The following ABCC4 variants were observed in gnomAD, a reference collection of about 807,000 sequenced individuals.
ABCC4 encodes ATP-binding cassette sub-family C member 4.
Under a neutral mutation model 168.5 loss-of-function variants are expected in ABCC4, and 102 were observed. The ratio of observed to expected loss-of-function variants is 0.61; its 90% CI spans 0.52 to 0.71. The LOEUF (loss-of-function observed/expected upper bound fraction) is 0.71. Ranked by LOEUF, ABCC4 falls within the 30% of genes least tolerant of loss-of-function variation. The pLI is 0.00. For synonymous variants in ABCC4, 617 were observed against 590.7 expected (o/e 1.04, Z -0.65); for missense variants, 1,402 against 1,605.8 (o/e 0.87, Z 2.17).
At chr13:95,055,145 C>T (rs1169626836) in intron 26 of ABCC4, among the ~76,000 whole-genome samples, 1 of 152,174 alleles carries the variant, frequency 6.6e-6, no homozygotes, top group African/African-American at 2.4e-5. Context: ...AAGTACCCAA[C>T]TGAAGACCAA....
At chr13:95,214,707 G>A (rs576102276) in intron 4 of ABCC4, among the ~76,000 whole-genome samples, 1 of 151,756 alleles carries the variant, frequency 6.6e-6, no homozygotes, top group South Asian at 2.1e-4. Context: ...CCAACATGGT[G>A]AGACCCCGCC....
intron 19 of ABCC4, among the ~76,000 whole-genome samples, chr13:95,132,268 T>A (rs907338549): frequency 2.0e-5 from 3 of 152,116 alleles, no homozygotes; most frequent in Admixed American, 6.6e-5. Flanking sequence ...AAGACTGGAG[T>A]GTAGTGGCGT....
chr13:95,058,567 C>CAAAAAAAAAAAAAAAAAAAAAA (rs1165324016), intron 26 of ABCC4, among the ~76,000 whole-genome samples: 11 of 62,782 alleles, frequency 1.8e-4, no homozygotes, highest in East Asian at 1.5e-3. Flanking sequence ...GACTCCATCT[C>CAAAAAAAAAAAAAAAAAAAAAA]AAAAAAAAAA....
intron 1 of ABCC4, among the ~76,000 whole-genome samples, chr13:95,288,809 T>C (rs2041323073): frequency 6.6e-6 from 1 of 152,126 alleles, no homozygotes; most frequent in South Asian, 2.1e-4. Flanking sequence ...AGAACCCTCA[T>C]CATCCCATTT....
intron 5 of ABCC4, among the ~76,000 whole-genome samples, chr13:95,210,302 G>A (rs555313488): frequency 1.4e-4 from 21 of 152,304 alleles, no homozygotes; most frequent in Admixed American, 4.6e-4. Flanking sequence ...AACAAGGCGT[G>A]ATCCCTTCTC....
intron 4 of ABCC4, among the ~76,000 whole-genome samples, chr13:95,215,637 C>T (rs576091587): frequency 6.6e-6 from 1 of 152,108 alleles, no homozygotes; most frequent in Non-Finnish European, 1.5e-5. Flanking sequence ...AAAAATGTTA[C>T]ACAGAATGTA....
intron 1 of ABCC4, among the ~76,000 whole-genome samples, chr13:95,298,250 C>T (rs1265153514): frequency 6.6e-6 from 1 of 152,166 alleles, no homozygotes; most frequent in African/African-American, 2.4e-5. Flanking sequence ...GATTGCACCA[C>T]TGCACTCCAG....
intron 3 of ABCC4, among the ~76,000 whole-genome samples, chr13:95,241,973 G>T (rs1428091359): frequency 2.0e-5 from 3 of 152,122 alleles, no homozygotes; most frequent in African/African-American, 7.2e-5. Context: ...CACTAAGCTT[G>T]TGGGAGTTTA....
At chr13:95,194,313 G>A (rs1341678189) in intron 9 of ABCC4, among the ~76,000 whole-genome samples, 2 of 152,184 alleles carry the variant, frequency 1.3e-5, no homozygotes, top group African/African-American at 2.4e-5. Flanking sequence ...CCTCGGCCTT[G>A]GGCTGCCACC....
At chr13:95,037,724 C>G (rs920853703) in intron 29 of ABCC4, among the ~76,000 whole-genome samples, 1 of 152,192 alleles carries the variant, frequency 6.6e-6, no homozygotes, top group Non-Finnish European at 1.5e-5. Context: ...TGGATAATAA[C>G]TGCATATTTT....
At chr13:95,296,460 A>T (rs767742584) in intron 1 of ABCC4, among the ~76,000 whole-genome samples, 23 of 152,118 alleles carry the variant, frequency 1.5e-4, no homozygotes, top group Non-Finnish European at 3.1e-4. Flanking sequence ...TAGTCATGTC[A>T]TCAGCTCTCT....
Position 95,185,171 on chromosome 13 carries a change from T to C in ABCC4, c.1545+1530A>G, listed in dbSNP as rs189123640. Among the ~76,000 whole-genome samples, 626 of 152,102 alleles carry C rather than the reference T, an allele frequency of 4.1e-3. 6 individuals carry two copies. Among genetic ancestry groups the C allele is most frequent in the Non-Finnish European group, 6.5e-3 (443 of 67,988 alleles). On this transcript the variant is annotated intron_variant, in intron 11 of 30. Coordinates refer to ENST00000645237, the MANE Select transcript of ABCC4 (RefSeq NM_005845.5). ...AAAATAAACAAAATGAGGATAGCAATAGCAAAGGCACTGGGAAATCATGGC... is the reference window on the plus strand; with the variant it reads ...AAAATAAACAAAATGAGGATAGCAACAGCAAAGGCACTGGGAAATCATGGC...
In ABCC4 at chr13:95,058,346, G is replaced by A. The variant is rs921112262; in HGVS notation, c.3366+4358C>T. On this transcript the variant is annotated intron_variant, in intron 26 of 30. Coordinates refer to ENST00000645237, the MANE Select transcript of ABCC4 (RefSeq NM_005845.5). Reference sequence around the variant, plus strand: ...AGTACTTTGGGAGGCTGAGGCAGGCGGATCACAAGGTCAGGAGATCGAGAC... The same window carrying A: ...AGTACTTTGGGAGGCTGAGGCAGGCAGATCACAAGGTCAGGAGATCGAGAC... 4.6e-5 allele frequency among the ~76,000 whole-genome samples: 7 copies of A among 151,602 alleles called. No homozygotes were observed. In the East Asian group the frequency reaches 7.8e-4, roughly 17 times the overall value.
At chr13:95,198,258 T>A (rs552988659) in intron 8 of ABCC4, among the ~76,000 whole-genome samples, 1 of 151,842 alleles carries the variant, frequency 6.6e-6, no homozygotes, top group South Asian at 2.1e-4. Context: ...TTAAACAAAT[T>A]TACAAGAAAA....
intron 19 of ABCC4, among the ~76,000 whole-genome samples, chr13:95,142,712 T>C (rs559351994): frequency 6.6e-6 from 1 of 152,152 alleles, no homozygotes; most frequent in African/African-American, 2.4e-5. Flanking sequence ...TAGGATTAGA[T>C]CTTATCATCA....
intron 11 of ABCC4, among the ~76,000 whole-genome samples, chr13:95,178,460 A>C (rs55994917): frequency 0.14 from 21,886 of 152,218 alleles, 1,641 homozygotes; most frequent in Non-Finnish European, 0.17. Flanking sequence ...AGTGCTAAGA[A>C]GGAGAAGGAA....
intron 8 of ABCC4, among the ~76,000 whole-genome samples, chr13:95,205,411 G>A (rs2038751750): frequency 6.6e-6 from 1 of 152,098 alleles, no homozygotes; most frequent in South Asian, 2.1e-4. Context: ...TCTGTCCTTG[G>A]GCATCCATCT....
intron 1 of ABCC4, among the ~76,000 whole-genome samples, chr13:95,289,121 AG>A (rs1410135673): frequency 6.6e-6 from 1 of 152,218 alleles, no homozygotes; most frequent in Non-Finnish European, 1.5e-5. Flanking sequence ...CAGTAATCTG[AG>A]GGATTACTTC....
intron 3 of ABCC4, among the ~76,000 whole-genome samples, chr13:95,241,817 C>T (rs1302248529): frequency 1.3e-5 from 2 of 152,300 alleles, no homozygotes; most frequent in Admixed American, 1.3e-4. Context: ...TCTCTTCCTG[C>T]TGGTGCCATC....
Sources: gnomAD v4.1 joint callset for allele counts (sites outside exome capture counted in the v4.1 genomes callset) on GRCh38, gnomAD v4.1.1 for gene constraint, MANE v1.5 for transcripts, NCBI Gene and HGNC (gene_info 2026-07-23, HGNC 2026-07-21) for gene names.